Variants in GZMA observed in about 807,000 individuals in gnomAD.
GZMA encodes the protein CTL tryptase.
In GZMA, 17 loss-of-function variants were observed where a neutral mutation model predicts 21.1. That is an observed-to-expected ratio of 0.81 (90% CI 0.55 to 1.21). The LOEUF (loss-of-function observed/expected upper bound fraction) is 1.21. Ranked by LOEUF, GZMA falls within the 50% of genes most tolerant of loss-of-function variation. GZMA has a pLI of 0.00. For missense variants in GZMA, 306 were observed against 315.9 expected (o/e 0.97, Z 0.24); for synonymous variants, 90 against 107.8 (o/e 0.83, Z 1.03).
chr5:55,103,181 T>G (rs999677783), intron 1 of GZMA, among the ~76,000 whole-genome samples: 4 of 152,244 alleles, frequency 2.6e-5, no homozygotes, highest in Non-Finnish European at 5.9e-5. Context: ...CAAAACTCTC[T>G]TGTTCGTAAA....
rs1165866044 is a variant in GZMA at position 55,107,802 on chromosome 5, G to T, written c.224G>T (p.Arg75Met). 3 of 1,612,232 alleles carry T rather than the reference G, an allele frequency of 1.9e-6. No homozygotes were observed. The African/African-American group carries it at 4.0e-5, about 22-fold the overall frequency. ...LTAAHCNLNK[R>M]SQVILGAHSI... ...GTTGTGTCTGTTCTCAGGAACAAAA[G>T]GTCCCAGGTCATTCTTGGGGCTCAC... The change falls in exon 3 of 5, where the codon AGG (arginine) becomes ATG (methionine). Residue 75 changes from arginine (R) to methionine (M), a missense_variant. Physicochemically the swap from Arg to Met is moderately conservative, Grantham distance 91. Coordinates refer to ENST00000274306, the MANE Select transcript of GZMA (RefSeq NM_006144.4).
intron 1 of GZMA, 90 bp from the exon 2 acceptor site, chr5:55,105,384 C>A: frequency 8.6e-7 from 1 of 1,158,056 alleles, no homozygotes; most frequent in Non-Finnish European, 1.2e-6. Flanking sequence ...TCTCTGAGTG[C>A]AAAAAGCATG....
chr5:55,109,435 T>G (rs1247902333), intron 4 of GZMA, among the ~76,000 whole-genome samples: 1 of 152,098 alleles, frequency 6.6e-6, no homozygotes, highest in Non-Finnish European at 1.5e-5. Flanking sequence ...CTCAACACCC[T>G]GGAATTGGCT....
rs201435311 is a variant in GZMA, at chr5:55,105,636, T to A, written c.215+18T>A. The A allele has an allele frequency of 2.2e-5, 36 of 1,604,034 alleles. No individual in the cohort carries two copies. Among genetic ancestry groups the A allele is most frequent in the Non-Finnish European group, 3.0e-5 (35 of 1,173,088 alleles). On this transcript the variant is annotated intron_variant, in intron 2 of 4. Transcript: ENST00000274306. ...TGTAACTTGTAAGTGCCTGGGTTTTTAAAAAAAAGTTTGTAAAGATACTCT... is the reference window on the plus strand; with the variant it reads ...TGTAACTTGTAAGTGCCTGGGTTTTAAAAAAAAAGTTTGTAAAGATACTCT...
At chr5:55,107,993 G>T in intron 3 of GZMA, 58 bp downstream of exon 3, 2 of 1,523,090 alleles carry the variant, frequency 1.3e-6, no homozygotes, top group South Asian at 1.2e-5. Context: ...TCTGGCCGCC[G>T]ACGTGAAAAC....
rs369503275 is a variant in GZMA at position 55,106,291 on chromosome 5, T to C, written c.215+673T>C. Among the ~76,000 whole-genome samples the C allele has an allele frequency of 3.3e-4, 2 of 6,034 alleles. 1 individual carries two copies. The highest frequency in any genetic ancestry group is 5.0e-4 in the African/African-American group (2 of 3,988). The allele number at this position is 6,034 out of a possible 152,430, so 4.0% of individuals were successfully genotyped here. On this transcript the variant is annotated intron_variant, in intron 2 of 4. Coordinates refer to ENST00000274306, the MANE Select transcript of GZMA (RefSeq NM_006144.4). ...TAAAATAAAATAAAATAAAATAAAA[T>C]AAAATAAAATATAAAATAAAATAAA... is the stretch of plus-strand genomic sequence containing the variant.
rs1451749557 is a variant in GZMA, at chr5:55,110,199, A to G, written c.*17A>G. 2 of 1,541,150 alleles carry G rather than the reference A, an allele frequency of 1.3e-6. No individual in the cohort carries two copies. The highest frequency in any genetic ancestry group is 2.4e-5 in the South Asian group (2 of 83,540). The stretch of plus-strand genomic sequence containing the variant: ...GCAGTTTAAATAACCGTTTCCTTTC[A>G]TTTACTGTGGCTTCTTAATCTTTTC... On this transcript the variant is annotated 3_prime_UTR_variant, in exon 5 of 5. Transcript: ENST00000274306.
Position 55,108,341 on chromosome 5 carries a change from G to T in GZMA, c.574G>T (p.Gly192Ter), listed in dbSNP as rs915966919. The T allele has an allele frequency of 1.2e-5, 19 of 1,612,940 alleles. No homozygotes were observed. The highest frequency in any genetic ancestry group is 1.5e-5 in the Non-Finnish European group (18 of 1,179,084). The stretch of plus-strand genomic sequence containing the variant: ...TCACTATAATTTTAACCCTGTGATT[G>T]GAATGAATATGGTTTGTGCTGGAAG... ...RNHYNFNPVIGMNMVCAGSLR... is the reference protein window; with the variant it reads ...RNHYNFNPVI The change falls in exon 4 of 5, where the codon GGA becomes TGA. Residue 192 changes from glycine (G) to a stop codon, truncating the protein, a stop_gained. Transcript: ENST00000274306. LOFTEE classifies it high-confidence loss of function.
intron 3 of GZMA, 82 bp from the exon 4 acceptor site, chr5:55,108,043 A>G (rs904744139): frequency 7.2e-7 from 1 of 1,395,270 alleles, no homozygotes; most frequent in Non-Finnish European, 1.0e-6. Context: ...CACAATAAAG[A>G]GGATCCTGAA....
At chr5:55,109,142 G>T (rs1486453965) in intron 4 of GZMA, among the ~76,000 whole-genome samples, 1 of 152,124 alleles carries the variant, frequency 6.6e-6, no homozygotes, top group African/African-American at 2.4e-5. Flanking sequence ...AAATCCAAAG[G>T]TCTCTGTCCT....
In GZMA at chr5:55,108,388, G is replaced by T; in HGVS notation, c.621G>T (p.Ser207=). The change falls in exon 4 of 5, where the codon TCG becomes TCT. Residue 207 remains serine, a synonymous_variant. Coordinates refer to ENST00000274306, the MANE Select transcript of GZMA (RefSeq NM_006144.4). ...CAGSLRGGRD[S]CNGDSGSPLL... is the part of the protein sequence containing the mutation. Reference sequence around the variant, plus strand: ...GAAGCCTCCGAGGTGGAAGAGACTCGTGCAATGTAAGTAAAATAAGATCCC... The same window carrying T: ...GAAGCCTCCGAGGTGGAAGAGACTCTTGCAATGTAAGTAAAATAAGATCCC... 2.5e-6 allele frequency: 4 copies of T among 1,608,404 alleles called. No homozygotes were observed. The highest frequency in any genetic ancestry group is 3.4e-6 in the Non-Finnish European group (4 of 1,175,688).
chr5:55,107,989 C>T (rs1002713969), intron 3 of GZMA, 54 bp downstream of exon 3: 10 of 1,535,382 alleles, frequency 6.5e-6, no homozygotes, highest in Non-Finnish European at 8.9e-6. Context: ...ACAATCTGGC[C>T]GCCGACGTGA....
Position 55,108,314 on chromosome 5 carries a change from A to C in GZMA, c.547A>C (p.Asn183His), listed in dbSNP as rs151159567. 2.4e-5 allele frequency: 39 copies of C among 1,613,370 alleles called. No individual in the cohort carries two copies. The highest frequency in any genetic ancestry group is 3.1e-5 in the Non-Finnish European group (36 of 1,179,440). ...IIDRKVCNDR[N>H]HYNFNPVIGM... ...AGACAGAAAAGTCTGCAATGATCGAAATCACTATAATTTTAACCCTGTGAT... is the reference window on the plus strand; with the variant it reads ...AGACAGAAAAGTCTGCAATGATCGACATCACTATAATTTTAACCCTGTGAT... Residue 183 changes from asparagine (N) to histidine (H), a missense_variant, in exon 4 of 5, where the codon AAT becomes CAT. Physicochemically the swap from Asn to His is moderately conservative, Grantham distance 68 (BLOSUM62 1). Coordinates refer to ENST00000274306, the MANE Select transcript of GZMA (RefSeq NM_006144.4).
In GZMA at chr5:55,110,170, G is replaced by T. The variant is rs751079863; in HGVS notation, c.777G>T (p.Lys259Asn). 1.3e-6 allele frequency: 2 copies of T among 1,590,952 alleles called. No individual in the cohort carries two copies. The highest frequency in any genetic ancestry group is 2.3e-5 in the East Asian group (1 of 43,952). Residue 259 changes from lysine (K) to asparagine (N), a missense_variant, in exon 5 of 5, where the codon AAG becomes AAT. Physicochemically the swap from Lys to Asn is moderately conservative, Grantham distance 94 (BLOSUM62 0). Coordinates refer to ENST00000274306, the MANE Select transcript of GZMA (RefSeq NM_006144.4). ...TCAACTGGATAATTATGACTATCAA[G>T]GGAGCAGTTTAAATAACCGTTTCCT... ...KHLNWIIMTIKGAV is the reference protein window; with the variant it reads ...KHLNWIIMTINGAV
At chr5:55,104,894 G>T (rs752838620) in intron 1 of GZMA, among the ~76,000 whole-genome samples, 1 of 152,160 alleles carries the variant, frequency 6.6e-6, no homozygotes, top group Non-Finnish European at 1.5e-5. Context: ...AAGGGGAGGT[G>T]CAATCGATGT....
intron 1 of GZMA, among the ~76,000 whole-genome samples, chr5:55,104,735 G>A (rs949267784): frequency 2.0e-5 from 3 of 152,160 alleles, no homozygotes; most frequent in Admixed American, 1.3e-4. Context: ...AGTTCTCACT[G>A]TTCCTTAACA....
intron 2 of GZMA, among the ~76,000 whole-genome samples, chr5:55,106,301 TATAAAATAAAATAAAATATAAA>T (rs1742415794): frequency 1.1e-3 from 1 of 900 alleles, no homozygotes; most frequent in African/African-American, 1.4e-3. Context: ...TAAAATAAAA[TATAAAATAAAATAAAATATAAA>T]ATAAAATAAA....
intron 1 of GZMA, among the ~76,000 whole-genome samples, chr5:55,103,671 T>A (rs1304764825): frequency 6.6e-6 from 1 of 152,166 alleles, no homozygotes; most frequent in Non-Finnish European, 1.5e-5. Flanking sequence ...CAGGGACTTA[T>A]GTAATAACCT....
At chr5:55,102,891 A>G (rs1217121138) in intron 1 of GZMA, 139 bp downstream of exon 1, 1 of 662,068 alleles carries the variant, frequency 1.5e-6, no homozygotes, top group African/African-American at 1.8e-5. Flanking sequence ...GCCAGGCACA[A>G]TGGCACATGC....
Sources: allele counts gnomAD v4.1 joint callset (sites outside exome capture counted in the v4.1 genomes callset), GRCh38; gene constraint gnomAD v4.1.1; transcripts MANE v1.5; gene names NCBI Gene and HGNC (gene_info 2026-07-23, HGNC 2026-07-21).